ONECUT3: variants seen among roughly 807,000 people sequenced by gnomAD.
ONECUT3 encodes the protein one cut homeobox 3, also known as one cut domain family member 3.
ONECUT3 carries 11 observed loss-of-function variants against 16.8 expected under a neutral mutation model. The observed-to-expected ratio is 0.66, with a 90% CI of 0.41 to 1.09. The LOEUF (loss-of-function observed/expected upper bound fraction) is 1.09. Among genes scored for constraint, ONECUT3 ranks in the 50% least tolerant of loss-of-function variants. The pLI, the probability that ONECUT3 is intolerant of heterozygous loss-of-function variation, is 0.00. For synonymous variants in ONECUT3, 344 were observed against 310.7 expected (o/e 1.11, Z -1.13); for missense variants, 637 against 629.9 (o/e 1.01, Z -0.12).
In ONECUT3 at chr19:1,766,559, A is replaced by G. The variant is rs1228908026; in HGVS notation, c.1193-8594A>G. Reference sequence around the variant, plus strand: ...AAGGGAGGAAAAGAAAAGAGCAGAGAGGGGAGAGGGAGGGAGGGTGAGTGG... The same window carrying G: ...AAGGGAGGAAAAGAAAAGAGCAGAGGGGGGAGAGGGAGGGAGGGTGAGTGG... On this transcript the variant is annotated intron_variant, in intron 1 of 1. Coordinates refer to ENST00000382349, the MANE Select transcript of ONECUT3 (RefSeq NM_001080488.2). The surrounding 1 kb of genome is among the most constrained non-coding windows in gnomAD (Gnocchi z 4.0). Among the ~76,000 whole-genome samples the G allele has an allele frequency of 8.2e-6, 1 of 122,348 alleles. No homozygotes were observed. Among genetic ancestry groups the G allele is most frequent in the Non-Finnish European group, 1.7e-5 (1 of 57,794 alleles). 80.3% of individuals were successfully genotyped at this position (122,348 alleles called of 152,430 possible). A position where few individuals can be genotyped will look rare whatever the true frequency, so the allele number is the denominator to read the frequency against.
At chr19:1,765,370 T>A (rs2067977222) in intron 1 of ONECUT3, among the ~76,000 whole-genome samples, 1 of 151,886 alleles carries the variant, frequency 6.6e-6, no homozygotes, top group African/African-American at 2.4e-5. Context: ...TGGTCCATCC[T>A]CCCTCCCAGC....
In ONECUT3 at chr19:1,777,971, G is replaced by C. The variant is rs1415131883; in HGVS notation, c.*2526G>C. ...GATTGCGCCACTACACTCTAGCCTG[G>C]GCAACGAGAGCAAAACTCCCTCTCA... On this transcript the variant is annotated 3_prime_UTR_variant, in exon 2 of 2. Coordinates refer to ENST00000382349, the MANE Select transcript of ONECUT3 (RefSeq NM_001080488.2). 7.8e-6 allele frequency: 1 copy of C among 127,560 alleles called. No homozygotes were observed. Among genetic ancestry groups the C allele is most frequent in the South Asian group, 2.5e-4 (1 of 3,924 alleles). 7.9% of individuals were successfully genotyped at this position (127,560 alleles called of 1,614,324 possible).
In ONECUT3 at chr19:1,780,682, A is replaced by G. The variant is rs1232280001; in HGVS notation, c.*5237A>G. 6.6e-6 allele frequency: 1 copy of G among 152,230 alleles called. No individual in the cohort carries two copies. The highest frequency in any genetic ancestry group is 1.9e-4 in the East Asian group (1 of 5,182). 9.4% of individuals were successfully genotyped at this position (152,230 alleles called of 1,614,324 possible). ...CCTTGCACCAGCAGGAGCTTGGGCC[A>G]TTTCACATTCTCTGCCCCAAGCGGT... On this transcript the variant is annotated 3_prime_UTR_variant, in exon 2 of 2. Transcript: ENST00000382349.
At chr19:1,757,936 C>T (rs1309527656) in intron 1 of ONECUT3, among the ~76,000 whole-genome samples, 3 of 152,220 alleles carry the variant, frequency 2.0e-5, no homozygotes, top group African/African-American at 7.2e-5. Flanking sequence ...ACTCCGGCAT[C>T]CCCATTCCCC....
Position 1,779,841 on chromosome 19 carries a change from G to A in ONECUT3, c.*4396G>A, listed in dbSNP as rs2068141919. ...CCCAGGTAGAGGGGGCGGGAACAGA[G>A]CCTCAGTAGCCGGGTCTCCTCCACC... is the stretch of plus-strand genomic sequence containing the variant. On this transcript the variant is annotated 3_prime_UTR_variant, in exon 2 of 2. Coordinates refer to ENST00000382349, the MANE Select transcript of ONECUT3 (RefSeq NM_001080488.2). 1 of 151,990 alleles carries A rather than the reference G, an allele frequency of 6.6e-6. No individual in the cohort carries two copies. Among genetic ancestry groups the A allele is most frequent in the African/African-American group, 2.4e-5 (1 of 41,346 alleles). The allele number at this position is 151,990 out of a possible 1,614,324, so 9.4% of individuals were successfully genotyped here.
rs547466068 is a variant in ONECUT3, at chr19:1,766,026, C to T, written c.1193-9127C>T. ...CACCAAGATCCGTTGCCTCATCCAC[C>T]GCCCGTCCAAGGCCCCACAAGCTGA... On this transcript the variant is annotated intron_variant, in intron 1 of 1. Transcript: ENST00000382349. This position sits in a 1 kb window ranked among gnomAD's most constrained non-coding sequence, Gnocchi z 4.0. Among the ~76,000 whole-genome samples, 25 of 152,394 alleles carry T rather than the reference C, an allele frequency of 1.6e-4. No individual in the cohort carries two copies. In the South Asian group the frequency reaches 2.3e-3, roughly 14 times the overall value.
At position 1,758,211 on chromosome 19, in the gene ONECUT3, G is replaced by A. The variant is rs1260600475; in HGVS notation, c.1192+3357G>A. Among the ~76,000 whole-genome samples the A allele has an allele frequency of 6.6e-6, 1 of 151,896 alleles. No homozygotes were observed. The highest frequency in any genetic ancestry group is 1.5e-5 in the Non-Finnish European group (1 of 67,944). On this transcript the variant is annotated intron_variant, in intron 1 of 1. Coordinates refer to ENST00000382349, the MANE Select transcript of ONECUT3 (RefSeq NM_001080488.2). The surrounding 1 kb of genome is among the most constrained non-coding windows in gnomAD (Gnocchi z 5.9). ...ACCAGAGAGTGGGGAGGGAGAGACC[G>A]GGAGCGGGAGAAACAGACGGGGAGA... is the stretch of plus-strand genomic sequence containing the variant.
chr19:1,778,915 C>CCCT lies in ONECUT3; in HGVS notation c.*3471_*3472insCTC, dbSNP rs2068134292. ...ACACACACACACACACACACACACC[C>CCCT]CTACCTGTTTCCGGACCCCACCCCA... is the stretch of plus-strand genomic sequence containing the variant. On this transcript the variant is annotated 3_prime_UTR_variant, in exon 2 of 2. Coordinates refer to ENST00000382349, the MANE Select transcript of ONECUT3 (RefSeq NM_001080488.2). 6.7e-6 allele frequency: 1 copy of CCCT among 148,612 alleles called. No individual in the cohort carries two copies. Among genetic ancestry groups the CCCT allele is most frequent in the Admixed American group, 6.7e-5 (1 of 14,836 alleles). 9.2% of individuals were successfully genotyped at this position (148,612 alleles called of 1,614,324 possible).
In ONECUT3 at chr19:1,754,065, G is replaced by C; in HGVS notation, c.403G>C (p.Gly135Arg). 1.0e-6 allele frequency: 1 copy of C among 996,282 alleles called. No homozygotes were observed. Among genetic ancestry groups the C allele is most frequent in the South Asian group, 4.5e-5 (1 of 22,238 alleles). The allele number at this position is 996,282 out of a possible 1,614,324, so 61.7% of individuals were successfully genotyped here. Reference protein sequence around the residue: ...HQHAAAAAVAGAHGGHPHAHP... With the variant: ...HQHAAAAAVARAHGGHPHAHP... ...GCACGCGGCGGCCGCGGCCGTGGCC[G>C]GGGCGCACGGCGGCCATCCCCACGC... The change falls in exon 1 of 2, where the codon GGG (glycine) becomes CGG (arginine). Residue 135 changes from glycine (G) to arginine (R), a missense_variant. By Grantham distance (125) the Gly-to-Arg change is moderately radical. Coordinates refer to ENST00000382349, the MANE Select transcript of ONECUT3 (RefSeq NM_001080488.2). This position sits in a 1 kb window ranked among gnomAD's most constrained non-coding sequence, Gnocchi z 7.4.
In ONECUT3 at chr19:1,762,962, G is replaced by A. The variant is rs961617206; in HGVS notation, c.1192+8108G>A. Among the ~76,000 whole-genome samples the A allele has an allele frequency of 2.6e-5, 4 of 152,166 alleles. No individual in the cohort carries two copies. Among genetic ancestry groups the A allele is most frequent in the Admixed American group, 1.3e-4 (2 of 15,272 alleles). On this transcript the variant is annotated intron_variant, in intron 1 of 1. Coordinates refer to ENST00000382349, the MANE Select transcript of ONECUT3 (RefSeq NM_001080488.2). This position sits in a 1 kb window ranked among gnomAD's most constrained non-coding sequence, Gnocchi z 4.4. ...TGGCCCGGCGGGGAGGCTCAAACCTGTAGTCCCAGCACTTTGGGAGGCCAA... is the reference window on the plus strand; with the variant it reads ...TGGCCCGGCGGGGAGGCTCAAACCTATAGTCCCAGCACTTTGGGAGGCCAA...
intron 1 of ONECUT3, among the ~76,000 whole-genome samples, chr19:1,772,197 G>A (rs1246348602): frequency 1.3e-5 from 2 of 151,004 alleles, no homozygotes; most frequent in Non-Finnish European, 2.9e-5. Flanking sequence ...ATTTTTTGTG[G>A]AGACAGAGTT....
intron 1 of ONECUT3, among the ~76,000 whole-genome samples, chr19:1,768,907 G>C (rs1364106914): frequency 7.7e-6 from 1 of 129,764 alleles, no homozygotes; most frequent in South Asian, 2.5e-4. Context: ...TGGAGGTGGT[G>C]GAGGTGGAGG....
intron 1 of ONECUT3, among the ~76,000 whole-genome samples, chr19:1,772,637 C>T (rs149209245): frequency 8.9e-4 from 135 of 151,500 alleles, no homozygotes; most frequent in African/African-American, 3.0e-3. Context: ...CTTTCATTTC[C>T]CATCTTTGCA....
At chr19:1,765,251 T>C (rs2067975747) in intron 1 of ONECUT3, among the ~76,000 whole-genome samples, 1 of 152,170 alleles carries the variant, frequency 6.6e-6, no homozygotes, top group African/African-American at 2.4e-5. Flanking sequence ...CCCGTCCTGG[T>C]GCCACCCTGG....
chr19:1,754,529 G>C lies in ONECUT3; in HGVS notation c.867G>C (p.Gly289=), dbSNP rs1435785939. Residue 289 remains glycine (G), a synonymous_variant, in exon 1 of 2, where the codon GGG becomes GGC. Transcript: ENST00000382349. The surrounding 1 kb of genome is among the most constrained non-coding windows in gnomAD (Gnocchi z 7.4). The stretch of plus-strand genomic sequence containing the variant: ...CGGGGCTGCTGGCGCCGCTGGGCGG[G>C]CTGGCGGCGGCCGGGGCGCACGGGC... ...SAAGLLAPLG[G]LAAAGAHGPH... 1.0e-6 allele frequency: 1 copy of C among 980,108 alleles called. No homozygotes were observed. The highest frequency in any genetic ancestry group is 1.2e-6 in the Non-Finnish European group (1 of 827,922). The allele number at this position is 980,108 out of a possible 1,614,324, so 60.7% of individuals were successfully genotyped here. A position where few individuals can be genotyped will look rare whatever the true frequency, so the allele number is the denominator to read the frequency against.
In ONECUT3 at chr19:1,759,964, C is replaced by T. The variant is rs1180169073; in HGVS notation, c.1192+5110C>T. 2.6e-5 allele frequency among the ~76,000 whole-genome samples: 4 copies of T among 152,158 alleles called. No individual in the cohort carries two copies. The highest frequency in any genetic ancestry group is 5.9e-5 in the Non-Finnish European group (4 of 68,032). On this transcript the variant is annotated intron_variant, in intron 1 of 1. Coordinates refer to ENST00000382349, the MANE Select transcript of ONECUT3 (RefSeq NM_001080488.2). This position sits in a 1 kb window ranked among gnomAD's most constrained non-coding sequence, Gnocchi z 4.1. ...CACCCTCCCACAAAACTTCAGGGCC[C>T]GGGGAGGAGCAGCCCTAGCTAGGGA...
chr19:1,768,313 A>G (rs573491814), intron 1 of ONECUT3, among the ~76,000 whole-genome samples: 1 of 152,110 alleles, frequency 6.6e-6, no homozygotes. Context: ...AAGAGCAACC[A>G]GGCAGAGAGA....
At chr19:1,760,719 C>A (rs900782602) in intron 1 of ONECUT3, among the ~76,000 whole-genome samples, 1 of 152,100 alleles carries the variant, frequency 6.6e-6, no homozygotes, top group African/African-American at 2.4e-5. Context: ...ACCATCCCCG[C>A]TTTTGCTTTT....
At position 1,775,505 on chromosome 19, in the gene ONECUT3, C is replaced by G; in HGVS notation, c.*60C>G. On this transcript the variant is annotated 3_prime_UTR_variant, in exon 2 of 2. Coordinates refer to ENST00000382349, the MANE Select transcript of ONECUT3 (RefSeq NM_001080488.2). ...GCCTGGGCGCTGTGCCCCCACGTCA[C>G]CTCCCCACATCCTGCCGGCCCGGAG... The G allele has an allele frequency of 4.3e-6, 6 of 1,405,678 alleles. No individual in the cohort carries two copies. Among genetic ancestry groups the G allele is most frequent in the Non-Finnish European group, 4.6e-6 (5 of 1,086,868 alleles). 87.1% of individuals were successfully genotyped at this position (1,405,678 alleles called of 1,614,324 possible).
Sources: allele counts gnomAD v4.1 joint callset (sites outside exome capture counted in the v4.1 genomes callset), GRCh38; gene constraint gnomAD v4.1.1; non-coding constraint Gnocchi (gnomAD v3.1); transcripts MANE v1.5; gene names NCBI Gene and HGNC (gene_info 2026-07-23, HGNC 2026-07-21).